The following ETNK1 variants were observed in gnomAD, a reference collection of about 807,000 sequenced individuals.
The protein encoded by ETNK1 is ethanolamine kinase 1.
A neutral mutation model predicts 45.1 loss-of-function variants in ETNK1; 8 were observed. The observed-to-expected ratio is 0.18, with a 90% confidence interval of 0.10 to 0.32. The LOEUF (loss-of-function observed/expected upper bound fraction) is 0.32. Ranked by LOEUF, ETNK1 falls within the 10% of genes least tolerant of loss-of-function variation. ETNK1 has a pLI of 1.00. For missense variants in ETNK1, 302 were observed against 430.6 expected (o/e 0.70, Z 2.64); for synonymous variants, 152 against 151.9 (o/e 1.00, Z -0.01).
rs184826727 is a variant in ETNK1, at chr12:22,651,992, A to G, written c.417-7022A>G. Among the ~76,000 whole-genome samples the G allele has an allele frequency of 1.8e-4, 28 of 152,056 alleles. No homozygotes were observed. In the East Asian group the frequency reaches 5.2e-3, roughly 28 times the overall value. ...TGAGCCACCACGCCTGGCCAATTCT[A>G]TGCTTTTTAAACAACAAATCTTCTT... On this transcript the variant is annotated intron_variant, in intron 2 of 7. Transcript: ENST00000266517.
intron 1 of ETNK1, among the ~76,000 whole-genome samples, chr12:22,641,631 A>G (rs550752913): frequency 6.6e-6 from 1 of 152,326 alleles, no homozygotes; most frequent in South Asian, 2.1e-4. Flanking sequence ...CTGTAAAACT[A>G]CAAGTTAGTA....
intron 2 of ETNK1, among the ~76,000 whole-genome samples, chr12:22,651,682 CTTTTTTT>C (rs35611431): frequency 1.5e-5 from 2 of 131,050 alleles, no homozygotes; most frequent in Non-Finnish European, 3.2e-5. Context: ...AATTCTATCC[CTTTTTTT>C]TTTTTTTTTT....
intron 3 of ETNK1, among the ~76,000 whole-genome samples, chr12:22,659,554 A>G (rs1283175637): frequency 6.6e-6 from 1 of 152,224 alleles, no homozygotes; most frequent in Non-Finnish European, 1.5e-5. Context: ...TAGTCCTGCT[A>G]GTTAACATTT....
At chr12:22,667,147 A>AAG (rs1954061281) in intron 4 of ETNK1, among the ~76,000 whole-genome samples, 1 of 152,210 alleles carries the variant, frequency 6.6e-6, no homozygotes, top group Non-Finnish European at 1.5e-5. Context: ...ACCTGAAGTT[A>AAG]TGAAGAAAGA....
chr12:22,649,306 A>G (rs1953845008), intron 2 of ETNK1, among the ~76,000 whole-genome samples: 1 of 152,026 alleles, frequency 6.6e-6, no homozygotes, highest in South Asian at 2.1e-4. Flanking sequence ...AGGGTCATCT[A>G]CATTTTCTCC....
intron 6 of ETNK1, among the ~76,000 whole-genome samples, chr12:22,674,153 T>C (rs1356984282): frequency 1.3e-5 from 2 of 152,226 alleles, no homozygotes; most frequent in African/African-American, 4.8e-5. Context: ...ATTTCCAGCT[T>C]TATTGGTGTC....
chr12:22,643,590 A>G (rs1172953944), intron 1 of ETNK1, among the ~76,000 whole-genome samples, 173 bp from the exon 2 acceptor site: 2 of 152,140 alleles, frequency 1.3e-5, no homozygotes, highest in Non-Finnish European at 2.9e-5. Context: ...TTGTTTAAAT[A>G]TAGAATTAAA....
At chr12:22,647,468 T>C (rs1014561932) in intron 2 of ETNK1, among the ~76,000 whole-genome samples, 3 of 151,888 alleles carry the variant, frequency 2.0e-5, no homozygotes, top group Non-Finnish European at 4.4e-5. Context: ...CAGCAACAAT[T>C]AAAAGTCTCT....
chr12:22,661,562 A>G (rs1253463120), intron 4 of ETNK1, among the ~76,000 whole-genome samples: 1 of 152,192 alleles, frequency 6.6e-6, no homozygotes, highest in Non-Finnish European at 1.5e-5. Flanking sequence ...TGGAAAATCA[A>G]CATATTGACA....
chr12:22,637,661 G>A (rs1328302766), intron 1 of ETNK1, among the ~76,000 whole-genome samples: 2 of 151,954 alleles, frequency 1.3e-5, no homozygotes, highest in African/African-American at 4.8e-5. Flanking sequence ...AGTACAAATA[G>A]GTATATAAAA....
rs1371498992 is a variant in ETNK1, at chr12:22,686,801, T to G, written c.*1847T>G. The G allele has an allele frequency of 6.6e-6, 1 of 151,586 alleles. No individual in the cohort carries two copies. Among genetic ancestry groups the G allele is most frequent in the African/African-American group, 2.4e-5 (1 of 41,292 alleles). The allele number at this position is 151,586 out of a possible 1,614,324, so 9.4% of individuals were successfully genotyped here. A position where few individuals can be genotyped will look rare whatever the true frequency, so the allele number is the denominator to read the frequency against. ...AATTGTTTTTGGTGGAATTTTTGTC[T>G]GTGGTTAGAACATTTTCATAAAACA... On this transcript the variant is annotated 3_prime_UTR_variant, in exon 8 of 8. Coordinates refer to ENST00000266517, the MANE Select transcript of ETNK1 (RefSeq NM_018638.5).
intron 2 of ETNK1, among the ~76,000 whole-genome samples, chr12:22,652,726 G>A (rs956972360): frequency 6.6e-6 from 1 of 152,110 alleles, no homozygotes; most frequent in African/African-American, 2.4e-5. Flanking sequence ...TTTGTTATAT[G>A]TTCTGAATAT....
chr12:22,658,981 G>A lies in ETNK1; in HGVS notation c.417-33G>A, dbSNP rs1454795676. The stretch of plus-strand genomic sequence containing the variant: ...GAGACATGACCTTTATGATACTTAA[G>A]TTTTTCTTTTTATGCGGTTTTGTTT... On this transcript the variant is annotated intron_variant, in intron 2 of 7. Coordinates refer to ENST00000266517, the MANE Select transcript of ETNK1 (RefSeq NM_018638.5). 17 of 1,596,192 alleles carry A rather than the reference G, an allele frequency of 1.1e-5. No homozygotes were observed. The East Asian group carries it at 2.9e-4, about 27-fold the overall frequency.
chr12:22,653,056 A>G (rs1331474236), intron 2 of ETNK1, among the ~76,000 whole-genome samples: 1 of 152,038 alleles, frequency 6.6e-6, no homozygotes, highest in South Asian at 2.1e-4. Flanking sequence ...TTGGATGTGG[A>G]TATCTAGTTT....
intron 2 of ETNK1, among the ~76,000 whole-genome samples, chr12:22,658,286 A>G (rs1953964414): frequency 6.6e-6 from 1 of 152,188 alleles, no homozygotes; most frequent in Non-Finnish European, 1.5e-5. Flanking sequence ...GGTACCTATC[A>G]AAAGAAGCGT....
Position 22,651,860 on chromosome 12 carries a change from A to AT in ETNK1, c.417-7148dup, listed in dbSNP as rs530069655. On this transcript the variant is annotated intron_variant, in intron 2 of 7. Coordinates refer to ENST00000266517, the MANE Select transcript of ETNK1 (RefSeq NM_018638.5). ...ACCACCTCGCCCTGCCGAGTTTTGT[A>AT]TTTTTTAGTAGAGACGGGTTTCACC... Among the ~76,000 whole-genome samples the AT allele has an allele frequency of 2.6e-5, 4 of 151,484 alleles. No individual in the cohort carries two copies. The South Asian group carries it at 8.4e-4, about 32-fold the overall frequency.
chr12:22,647,116 T>G (rs910152902), intron 2 of ETNK1, among the ~76,000 whole-genome samples: 1 of 151,840 alleles, frequency 6.6e-6, no homozygotes, highest in East Asian at 1.9e-4. Context: ...TTATTTGAGC[T>G]TTTTTGTAGC....
At chr12:22,656,091 C>T (rs775356816) in intron 2 of ETNK1, among the ~76,000 whole-genome samples, 2 of 152,232 alleles carry the variant, frequency 1.3e-5, no homozygotes, top group African/African-American at 2.4e-5. Context: ...CCTGTAAATG[C>T]CCCTTGGAGT....
At chr12:22,653,095 A>G (rs528878646) in intron 2 of ETNK1, among the ~76,000 whole-genome samples, 8 of 151,948 alleles carry the variant, frequency 5.3e-5, no homozygotes, top group African/African-American at 1.9e-4. Flanking sequence ...TCCTTTCCTC[A>G]TTGTTCTTCT....
Sources: allele counts gnomAD v4.1 joint callset (sites outside exome capture counted in the v4.1 genomes callset), GRCh38; gene constraint gnomAD v4.1.1; transcripts MANE v1.5; gene names NCBI Gene and HGNC (gene_info 2026-07-23, HGNC 2026-07-21).